Variants in CNNM2 observed in about 807,000 individuals in gnomAD.
CNNM2 encodes the protein metal transporter CNNM2.
CNNM2 carries 12 observed loss-of-function variants against 66.9 expected under a neutral mutation model. The observed-to-expected ratio is 0.18, with a 90% CI of 0.11 to 0.29. CNNM2 has a LOEUF of 0.29. Ranked by LOEUF, CNNM2 falls within the 10% of genes least tolerant of loss-of-function variation. The probability of loss-of-function intolerance (pLI) is 1.00; values close to 1 mark genes in which losing one functional copy is unlikely to be tolerated. For missense variants in CNNM2, 705 were observed against 1,167.7 expected (o/e 0.60, Z 5.77); for synonymous variants, 557 against 501.8 (o/e 1.11, Z -1.47).
At chr10:102,927,947 T>C (rs1845933428) in intron 1 of CNNM2, among the ~76,000 whole-genome samples, 1 of 152,142 alleles carries the variant, frequency 6.6e-6, no homozygotes, top group Non-Finnish European at 1.5e-5. Context: ...CTTGCTGTCA[T>C]TCGGAGGTGG....
At chr10:103,032,166 G>A (rs1398188816) in intron 1 of CNNM2, among the ~76,000 whole-genome samples, 1 of 152,118 alleles carries the variant, frequency 6.6e-6, no homozygotes, top group Admixed American at 6.6e-5. Context: ...ATATACATTA[G>A]GGGCCGGGTA....
intron 4 of CNNM2, among the ~76,000 whole-genome samples, chr10:103,066,461 C>A (rs901316749): frequency 1.3e-5 from 2 of 152,176 alleles, no homozygotes; most frequent in Non-Finnish European, 2.9e-5. Flanking sequence ...TGGCTGCCAC[C>A]CTCGTGGAAG....
intron 6 of CNNM2, among the ~76,000 whole-genome samples, 181 bp downstream of exon 6, chr10:103,072,020 C>T (rs1039602711): frequency 6.6e-6 from 1 of 152,150 alleles, no homozygotes; most frequent in Non-Finnish European, 1.5e-5. Context: ...TAAGCCACAG[C>T]AGGTGGAGAG....
At chr10:102,966,356 C>T (rs558582297) in intron 1 of CNNM2, among the ~76,000 whole-genome samples, 2 of 152,258 alleles carry the variant, frequency 1.3e-5, no homozygotes, top group South Asian at 2.1e-4. Flanking sequence ...GTTGGCCTGG[C>T]GTGTGGCTCA....
chr10:102,954,945 G>T (rs568228675), intron 1 of CNNM2, among the ~76,000 whole-genome samples: 2 of 152,026 alleles, frequency 1.3e-5, no homozygotes, highest in Non-Finnish European at 2.9e-5. Context: ...TGAAAATGGC[G>T]ATACTGCCCA....
chr10:103,065,736 G>A (rs1005333448), intron 4 of CNNM2, among the ~76,000 whole-genome samples: 1 of 152,156 alleles, frequency 6.6e-6, no homozygotes, highest in Non-Finnish European at 1.5e-5. Flanking sequence ...AGCTGGTCAC[G>A]CAGCCACTCT....
chr10:103,013,049 A>G (rs1698119055), intron 1 of CNNM2, among the ~76,000 whole-genome samples: 1 of 152,202 alleles, frequency 6.6e-6, no homozygotes, highest in Admixed American at 6.5e-5. Flanking sequence ...TGAATAGGTA[A>G]CATAGCAAAA....
At chr10:103,063,388 T>TA (rs2065421863) in intron 4 of CNNM2, among the ~76,000 whole-genome samples, 1 of 152,126 alleles carries the variant, frequency 6.6e-6, no homozygotes, top group African/African-American at 2.4e-5. Flanking sequence ...GATGGCGATT[T>TA]AAAAAACAAG....
chr10:102,942,754 A>G (rs926221653), intron 1 of CNNM2, among the ~76,000 whole-genome samples: 3 of 152,230 alleles, frequency 2.0e-5, no homozygotes, highest in African/African-American at 7.2e-5. Flanking sequence ...AAAATAGCAA[A>G]ACATTATAAC....
At chr10:102,925,146 A>G (rs1348619060) in intron 1 of CNNM2, among the ~76,000 whole-genome samples, 1 of 151,832 alleles carries the variant, frequency 6.6e-6, no homozygotes, top group African/African-American at 2.4e-5. Context: ...AAAATACAAA[A>G]TTAGCCGGGC....
chr10:103,012,023 A>G (rs1412131716), intron 1 of CNNM2, among the ~76,000 whole-genome samples: 2 of 152,062 alleles, frequency 1.3e-5, no homozygotes, highest in South Asian at 4.1e-4. Context: ...ACAGAGAAGT[A>G]TATAGTGAAA....
chr10:102,959,331 A>T (rs1847161801), intron 1 of CNNM2, among the ~76,000 whole-genome samples: 1 of 152,202 alleles, frequency 6.6e-6, no homozygotes, highest in Non-Finnish European at 1.5e-5. Flanking sequence ...TTTGTAGAAG[A>T]GTAAATGGTG....
intron 1 of CNNM2, among the ~76,000 whole-genome samples, chr10:102,948,626 C>A (rs1047348268): frequency 6.6e-6 from 1 of 152,146 alleles, no homozygotes; most frequent in East Asian, 1.9e-4. Context: ...CTTCTAAGAG[C>A]AACAATATGT....
At chr10:102,931,427 C>T (rs1292116383) in intron 1 of CNNM2, among the ~76,000 whole-genome samples, 1 of 150,370 alleles carries the variant, frequency 6.7e-6, no homozygotes, top group Admixed American at 6.6e-5. Context: ...TGCGATCTCA[C>T]CTCACCGCAA....
chr10:103,051,259 C>T (rs781057431), intron 2 of CNNM2, among the ~76,000 whole-genome samples: 10 of 151,704 alleles, frequency 6.6e-5, no homozygotes, highest in East Asian at 1.9e-4. Context: ...GGTGAAACTC[C>T]GTCTCTACTA....
intron 1 of CNNM2, among the ~76,000 whole-genome samples, chr10:102,992,047 A>G (rs2063908081): frequency 1.3e-5 from 2 of 152,192 alleles, no homozygotes; most frequent in African/African-American, 2.4e-5. Context: ...ACAAATTGAT[A>G]TGTACATGCT....
intron 4 of CNNM2, among the ~76,000 whole-genome samples, chr10:103,067,842 A>T (rs2065506849): frequency 6.6e-6 from 1 of 152,114 alleles, no homozygotes; most frequent in Non-Finnish European, 1.5e-5. Flanking sequence ...ATGGAAGGAG[A>T]CTTTCTTCAA....
intron 1 of CNNM2, among the ~76,000 whole-genome samples, chr10:103,011,086 C>G (rs141909382): frequency 4.6e-5 from 7 of 152,170 alleles, no homozygotes. Context: ...CACCACAATG[C>G]GTAGCATGTG....
intron 1 of CNNM2, among the ~76,000 whole-genome samples, chr10:102,982,961 TA>T (rs1481850296): frequency 2.6e-5 from 4 of 152,208 alleles, no homozygotes; most frequent in Non-Finnish European, 5.9e-5. Context: ...AACTGAATAT[TA>T]AAAACTATTC....
Sources: gnomAD v4.1 joint callset for allele counts (sites outside exome capture counted in the v4.1 genomes callset) on GRCh38, gnomAD v4.1.1 for gene constraint, MANE v1.5 for transcripts, NCBI Gene and HGNC (gene_info 2026-07-23, HGNC 2026-07-21) for gene names.